Variants in VPS35L observed in about 807,000 individuals in gnomAD.
VPS35L encodes the protein VPS35 endosomal protein-sorting factor-like.
Under a neutral mutation model 133.0 loss-of-function variants are expected in VPS35L, and 83 were observed. The observed-to-expected ratio is 0.62, with a 90% CI of 0.52 to 0.75. VPS35L has a LOEUF of 0.75. Ranked by LOEUF, VPS35L falls within the 30% of genes least tolerant of loss-of-function variation. The pLI is 0.00. For missense variants in VPS35L, 1,083 were observed against 1,206.8 expected (o/e 0.90, Z 1.52); for synonymous variants, 423 against 449.9 (o/e 0.94, Z 0.76).
chr16:19,678,387 C>T (rs924070104), intron 27 of VPS35L, among the ~76,000 whole-genome samples: 2 of 151,210 alleles, frequency 1.3e-5, no homozygotes, highest in South Asian at 4.2e-4. Context: ...CCACTGGAAG[C>T]GCCATCTGAA....
chr16:19,682,477 C>A, intron 28 of VPS35L, 87 bp downstream of exon 28: 1 of 1,413,862 alleles, frequency 7.1e-7, no homozygotes. Context: ...TTTATTTTTT[C>A]CTCCCTTGTA....
intron 19 of VPS35L, among the ~76,000 whole-genome samples, chr16:19,634,609 C>T (rs1472252078): frequency 1.3e-5 from 2 of 151,982 alleles, no homozygotes; most frequent in African/African-American, 2.4e-5. Context: ...AATAGATGAG[C>T]GGATTGAGAA....
In VPS35L at chr16:19,591,846, C is replaced by T. The variant is rs772338389; in HGVS notation, c.696C>T (p.Val232=). Residue 232 remains valine (V), a synonymous_variant, in exon 8 of 31, where the codon GTC becomes GTT. Transcript: ENST00000417362. ...TTCAGTTCTACCCAAGCAAATTTGT[C>T]CTTATCACCGACATACTTGATACAT... The part of the protein sequence containing the change: ...SVIQFYPSKF[V]LITDILDTFG... 3 of 1,610,590 alleles carry T rather than the reference C, an allele frequency of 1.9e-6. No homozygotes were observed. Among genetic ancestry groups the T allele is most frequent in the Non-Finnish European group, 2.5e-6 (3 of 1,177,232 alleles).
In VPS35L at chr16:19,679,515, ATTTT is replaced by A. The variant is rs1555507589; in HGVS notation, c.2362-2706_2362-2703del. Among the ~76,000 whole-genome samples the A allele has an allele frequency of 3.3e-3, 177 of 53,438 alleles. 2 individuals carry two copies. In the Middle Eastern group the frequency reaches 0.04, roughly 12 times the overall value. The allele number at this position is 53,438 out of a possible 152,430, so 35.1% of individuals were successfully genotyped here. A position where few individuals can be genotyped will look rare whatever the true frequency, so the allele number is the denominator to read the frequency against. On this transcript the variant is annotated intron_variant, in intron 27 of 30. Coordinates refer to ENST00000417362, the MANE Select transcript of VPS35L (RefSeq NM_020314.7). Reference sequence around the variant, plus strand: ...TATTTATTTATTTATTTATTTATTTATTTTTTTGGAGACAGAGTCTCGCACTGTC... The same window carrying A: ...TATTTATTTATTTATTTATTTATTTATTTGGAGACAGAGTCTCGCACTGTC...
intron 1 of VPS35L, 85 bp downstream of exon 1, chr16:19,555,831 CTCTCTGTCGGGT>C: frequency 6.7e-7 from 1 of 1,498,498 alleles, no homozygotes; most frequent in African/African-American, 1.4e-5. Flanking sequence ...GTGTGAATTC[CTCTCTGTCGGGT>C]TCTGGTGGTC....
chr16:19,668,675 A>G (rs1974775286), intron 26 of VPS35L, among the ~76,000 whole-genome samples: 3 of 151,916 alleles, frequency 2.0e-5, no homozygotes, highest in Admixed American at 2.0e-4. Context: ...GTGCACTAGA[A>G]TAGATTCAAA....
Position 19,651,997 on chromosome 16 carries a change from A to G in VPS35L, c.2128A>G (p.Ile710Val), listed in dbSNP as rs144534439. Residue 710 changes from isoleucine (I) to valine (V), a missense_variant, in exon 26 of 31, where the codon ATC (isoleucine) becomes GTC (valine). Physicochemically the swap from Ile to Val is conservative, Grantham distance 29 (BLOSUM62 3). Transcript: ENST00000417362. ...CTAGGCCTGTGTTGCCTACTGCTTC[A>G]TCACCATCCCCTCCCTGGCGGGCAT... ...FVRACVAYCF[I>V]TIPSLAGIFT... The G allele has an allele frequency of 6.2e-7, 1 of 1,612,770 alleles. No homozygotes were observed. Among genetic ancestry groups the G allele is most frequent in the African/African-American group, 1.3e-5 (1 of 74,892 alleles).
chr16:19,639,347 C>G lies in VPS35L; in HGVS notation c.1699-668C>G, dbSNP rs1973715249. On this transcript the variant is annotated intron_variant, in intron 20 of 30. Transcript: ENST00000417362. This position sits in a 1 kb window ranked among gnomAD's most constrained non-coding sequence, Gnocchi z 4.1. ...ATTTCGAGGCCATCTGTGAACAGCT[C>G]TACTCTGACTCTTCTTCCATTGCTC... 2.0e-5 allele frequency among the ~76,000 whole-genome samples: 3 copies of G among 152,052 alleles called. 1 individual carries two copies. The highest frequency in any genetic ancestry group is 4.1e-4 in the South Asian group (2 of 4,820).
At chr16:19,636,007 A>T (rs1973611732) in intron 19 of VPS35L, among the ~76,000 whole-genome samples, 1 of 152,000 alleles carries the variant, frequency 6.6e-6, no homozygotes, top group African/African-American at 2.4e-5. Context: ...AACATGGCAA[A>T]ACCCCGTCAC....
chr16:19,585,406 C>CTTT (rs201727936), intron 7 of VPS35L, among the ~76,000 whole-genome samples: 12 of 138,142 alleles, frequency 8.7e-5, no homozygotes, highest in South Asian at 4.7e-4. Context: ...TTTCTTTTTT[C>CTTT]TTTTTTTTTT....
chr16:19,578,440 G>A (rs376677268), intron 5 of VPS35L: 16 of 388,766 alleles, frequency 4.1e-5, no homozygotes, highest in East Asian at 1.4e-4. Context: ...ATAGACGGCC[G>A]CAGAGGGCAG....
At chr16:19,642,505 C>A in intron 22 of VPS35L, 29 bp downstream of exon 22, 1 of 1,591,462 alleles carries the variant, frequency 6.3e-7, no homozygotes, top group South Asian at 1.1e-5. Context: ...TGAAATATAA[C>A]ATGGATTGGG....
intron 14 of VPS35L, among the ~76,000 whole-genome samples, chr16:19,623,774 T>TATG (rs1973163433): frequency 1.1e-5 from 1 of 94,478 alleles, no homozygotes; most frequent in African/African-American, 5.9e-5. Flanking sequence ...TATTTATTAT[T>TATG]ATTATTATTA....
intron 7 of VPS35L, among the ~76,000 whole-genome samples, chr16:19,583,075 C>CA (rs761352617): frequency 6.6e-6 from 1 of 152,098 alleles, no homozygotes; most frequent in Non-Finnish European, 1.5e-5. Flanking sequence ...GGGGGGTACC[C>CA]AGTGGCTGCT....
Position 19,652,047 on chromosome 16 carries a change from G to A in VPS35L, c.2178G>A (p.Leu726=), listed in dbSNP as rs150586601. The change falls in exon 26 of 31, where the codon CTG becomes CTA. Residue 726 remains leucine (L), a synonymous_variant. Coordinates refer to ENST00000417362, the MANE Select transcript of VPS35L (RefSeq NM_020314.7). The stretch of plus-strand genomic sequence containing the variant: ...TCTTCACACGTCTCAATCTCTACCT[G>A]CATTCTGGTCAGGTGGCCTTGGCCA... ...AGIFTRLNLY[L]HSGQVALANQ... is the part of the protein sequence containing the mutation. 5.3e-5 allele frequency: 86 copies of A among 1,612,610 alleles called. 1 individual carries two copies. Among genetic ancestry groups the A allele is most frequent in the East Asian group, 2.9e-4 (13 of 44,860 alleles).
chr16:19,626,873 T>C (rs747485706), intron 15 of VPS35L, among the ~76,000 whole-genome samples: 3 of 151,014 alleles, frequency 2.0e-5, no homozygotes, highest in Non-Finnish European at 4.4e-5. Context: ...TGAGGTTGTC[T>C]CTCTGCTTTC....
chr16:19,609,680 T>C (rs226899), intron 11 of VPS35L, among the ~76,000 whole-genome samples: 126,023 of 152,120 alleles, frequency 0.83, 52,793 homozygotes, highest in African/African-American at 0.96. Flanking sequence ...GACTGATTCA[T>C]GGTGCTCCAC....
At chr16:19,622,272 G>A (rs556574955) in intron 14 of VPS35L, among the ~76,000 whole-genome samples, 1 of 150,856 alleles carries the variant, frequency 6.6e-6, no homozygotes, top group South Asian at 2.1e-4. Flanking sequence ...AGCCTCCCAA[G>A]TAACTGGGAC....
chr16:19,658,687 GA>G (rs57632422), intron 26 of VPS35L, among the ~76,000 whole-genome samples: 30,553 of 148,056 alleles, frequency 0.21, 5,663 homozygotes, highest in African/African-American at 0.49. Context: ...CTTGAAAGAG[GA>G]AAAAAAAAAA....
Sources: allele counts gnomAD v4.1 joint callset (sites outside exome capture counted in the v4.1 genomes callset), GRCh38; gene constraint gnomAD v4.1.1; non-coding constraint Gnocchi (gnomAD v3.1); transcripts MANE v1.5; gene names NCBI Gene and HGNC (gene_info 2026-07-23, HGNC 2026-07-21).